KIAA1328: variants seen among roughly 807,000 people sequenced by gnomAD.
The protein encoded by KIAA1328 is protein hinderin.
KIAA1328 carries 52 observed loss-of-function variants against 68.1 expected under a neutral mutation model. The observed-to-expected ratio is 0.76, with a 90% CI of 0.61 to 0.96. The LOEUF is 0.96. Among genes scored for constraint, KIAA1328 ranks in the 40% least tolerant of loss-of-function variants. The pLI is 0.00. For synonymous variants in KIAA1328, 232 were observed against 239.4 expected, an observed-to-expected ratio of 0.97 and a Z score of 0.28; for missense variants, 641 against 677.6, an observed-to-expected ratio of 0.95 and a Z score of 0.60.
intron 5 of KIAA1328, among the ~76,000 whole-genome samples, chr18:36,953,685 A>G (rs931650138): frequency 6.6e-5 from 10 of 152,142 alleles, no homozygotes; most frequent in Non-Finnish European, 1.2e-4. Context: ...CTTGTCTCAT[A>G]AGAATGAGAA....
At chr18:36,888,037 G>A (rs1394880171) in intron 5 of KIAA1328, among the ~76,000 whole-genome samples, 2 of 152,194 alleles carry the variant, frequency 1.3e-5, no homozygotes, top group Non-Finnish European at 2.9e-5. Context: ...TCTGGGTCAA[G>A]ATTAATTCTA....
intron 6 of KIAA1328, among the ~76,000 whole-genome samples, chr18:37,060,101 T>G (rs1251585670): frequency 2.0e-5 from 3 of 152,072 alleles, no homozygotes; most frequent in Non-Finnish European, 4.4e-5. Flanking sequence ...GGCACATGTA[T>G]ACCTATGTAA....
rs546521001 is a variant in KIAA1328, at chr18:37,063,711, A to G, written c.577-3179A>G. The G allele has an allele frequency of 1.3e-4, 128 of 981,598 alleles. 1 individual carries two copies. The African/African-American group carries it at 2.2e-3, about 17-fold the overall frequency. 60.8% of individuals were successfully genotyped at this position (981,598 alleles called of 1,614,324 possible). On this transcript the variant is annotated intron_variant, in intron 6 of 9. Coordinates refer to ENST00000280020, the MANE Select transcript of KIAA1328 (RefSeq NM_020776.3). ...CTGTACTACCTCTCAAAAACAGGAAACATTAACTGAAAAAAATTTTTTAAT... is the reference window on the plus strand; with the variant it reads ...CTGTACTACCTCTCAAAAACAGGAAGCATTAACTGAAAAAAATTTTTTAAT...
intron 7 of KIAA1328, among the ~76,000 whole-genome samples, chr18:37,131,107 C>T (rs536318442): frequency 2.6e-5 from 4 of 152,208 alleles, no homozygotes; most frequent in East Asian, 3.9e-4. Flanking sequence ...TGGGTGATTC[C>T]GATAATGTTT....
chr18:37,088,412 A>C (rs1460764976), intron 7 of KIAA1328, among the ~76,000 whole-genome samples: 1 of 152,148 alleles, frequency 6.6e-6, no homozygotes, highest in African/African-American at 2.4e-5. Flanking sequence ...GAAAGATGGA[A>C]TCTTGTAATT....
chr18:36,858,700 A>C (rs1416006011), intron 4 of KIAA1328, among the ~76,000 whole-genome samples: 1 of 152,116 alleles, frequency 6.6e-6, no homozygotes, highest in Non-Finnish European at 1.5e-5. Context: ...AATACTGGTC[A>C]GTTTTTTTGT....
At chr18:37,026,038 G>C (rs2054564415) in intron 6 of KIAA1328, among the ~76,000 whole-genome samples, 1 of 151,966 alleles carries the variant, frequency 6.6e-6, no homozygotes, top group Admixed American at 6.6e-5. Context: ...GATAAAAGGG[G>C]ATATCACCAC....
At chr18:36,893,466 TGTGTGTGTGTGTGTGTG>T (rs2048769271) in intron 5 of KIAA1328, among the ~76,000 whole-genome samples, 1 of 30,918 alleles carries the variant, frequency 3.2e-5, no homozygotes, top group Admixed American at 4.1e-4. Context: ...TGTGTGTTTT[TGTGTGTGTGTGTGTGTG>T]TGTGTGTGTG....
intron 5 of KIAA1328, among the ~76,000 whole-genome samples, chr18:36,889,521 A>G (rs2048610442): frequency 6.6e-6 from 1 of 152,212 alleles, no homozygotes; most frequent in Non-Finnish European, 1.5e-5. Context: ...AGCAAAGGGA[A>G]GTGACAGCAA....
At chr18:36,971,885 A>C (rs1201298874) in intron 6 of KIAA1328, among the ~76,000 whole-genome samples, 1 of 152,116 alleles carries the variant, frequency 6.6e-6, no homozygotes. Context: ...AGGAGAGAAG[A>C]AGAAAAAGAT....
At chr18:36,996,711 T>A (rs961441136) in intron 6 of KIAA1328, among the ~76,000 whole-genome samples, 1 of 152,154 alleles carries the variant, frequency 6.6e-6, no homozygotes, top group Non-Finnish European at 1.5e-5. Context: ...CACTTGCAGA[T>A]TGAGAAAAGC....
intron 6 of KIAA1328, among the ~76,000 whole-genome samples, chr18:37,062,272 G>T (rs2056176573): frequency 1.1e-5 from 1 of 92,466 alleles, no homozygotes; most frequent in Non-Finnish European, 2.4e-5. Flanking sequence ...GGCCTTTGGG[G>T]ATTTCTCCCC....
chr18:37,063,697 C>T (rs1244760486), intron 6 of KIAA1328: 7 of 984,454 alleles, frequency 7.1e-6, no homozygotes, highest in Non-Finnish European at 8.4e-6. Context: ...TGTACTACCT[C>T]TCAAAAACAG....
chr18:37,098,332 C>G (rs929235140), intron 7 of KIAA1328, among the ~76,000 whole-genome samples: 70 of 152,278 alleles, frequency 4.6e-4, no homozygotes, highest in Non-Finnish European at 8.8e-4. Flanking sequence ...TTGAGATAAT[C>G]ATGTGTTTTT....
rs189693547 is a variant in KIAA1328, at chr18:37,056,961, A to G, written c.577-9929A>G. 2.6e-5 allele frequency among the ~76,000 whole-genome samples: 4 copies of G among 152,216 alleles called. No homozygotes were observed. The East Asian group carries it at 7.7e-4, about 29-fold the overall frequency. On this transcript the variant is annotated intron_variant, in intron 6 of 9. Coordinates refer to ENST00000280020, the MANE Select transcript of KIAA1328 (RefSeq NM_020776.3). ...CCCAGCCTATATAAGACAAATCCTA[A>G]TATGCTACCACTGTGAACTTAACTT...
intron 9 of KIAA1328, among the ~76,000 whole-genome samples, chr18:37,203,919 C>G (rs2060164954): frequency 6.6e-6 from 1 of 152,122 alleles, no homozygotes; most frequent in South Asian, 2.1e-4. Context: ...ATGCCATTCT[C>G]CTGCCTCAGC....
chr18:36,933,189 A>G (rs2050375075), intron 5 of KIAA1328, among the ~76,000 whole-genome samples: 1 of 152,108 alleles, frequency 6.6e-6, no homozygotes, highest in African/African-American at 2.4e-5. Context: ...ACATATATTA[A>G]AATATAAATA....
chr18:37,189,105 A>G (rs2059856490), intron 9 of KIAA1328, among the ~76,000 whole-genome samples: 1 of 152,230 alleles, frequency 6.6e-6, no homozygotes, highest in African/African-American at 2.4e-5. Context: ...GGGTGAGGAT[A>G]GTCCGAAGGC....
downstream of KIAA1328, chr18:37,229,629 C>T (rs2060655751): frequency 1.7e-6 from 2 of 1,149,674 alleles, no homozygotes; most frequent in Non-Finnish European, 2.3e-6. Flanking sequence ...TAATCCCAGG[C>T]TTTGGGAGGC....
Sources: allele counts gnomAD v4.1 joint callset (sites outside exome capture counted in the v4.1 genomes callset), GRCh38; gene constraint gnomAD v4.1.1; transcripts MANE v1.5; gene names NCBI Gene and HGNC (gene_info 2026-07-23, HGNC 2026-07-21).